PPP2R5C: variants seen among roughly 807,000 people sequenced by gnomAD.
PPP2R5C encodes serine/threonine-protein phosphatase 2A 56 kDa regulatory subunit gamma isoform.
Under a neutral mutation model 68.9 loss-of-function variants are expected in PPP2R5C, and 7 were observed. The ratio of observed to expected loss-of-function variants is 0.10; its 90% confidence interval spans 0.06 to 0.19. The LOEUF (loss-of-function observed/expected upper bound fraction) is 0.19, where lower values mean the gene tolerates loss of function less well. Among genes scored for constraint, PPP2R5C ranks in the 10% least tolerant of loss-of-function variants. The pLI is 1.00. For missense variants in PPP2R5C, 348 were observed against 641.3 expected (o/e 0.54, Z 4.94); for synonymous variants, 210 against 222.2 (o/e 0.95, Z 0.49).
intron 5 of PPP2R5C, chr14:101,889,882 A>G: frequency 2.3e-6 from 1 of 436,144 alleles, no homozygotes; most frequent in Admixed American, 2.9e-5. Flanking sequence ...AAGATGGATG[A>G]ACAGATGTGC....
intron 2 of PPP2R5C, among the ~76,000 whole-genome samples, chr14:101,764,003 T>TTGTGTGTGTG (rs3221573): frequency 2.2e-5 from 3 of 137,222 alleles, no homozygotes. Context: ...ATTGTTCACA[T>TTGTGTGTGTG]TGTGTGTGTG....
At chr14:101,856,587 T>A in intron 1 of PPP2R5C, 99 bp from the exon 4 acceptor site, 1 of 1,151,088 alleles carries the variant, frequency 8.7e-7, no homozygotes, top group Non-Finnish European at 1.3e-6. Flanking sequence ...TTCTTGAATC[T>A]CTATTCAAAA....
Position 101,797,302 on chromosome 14 carries a change from A to G in PPP2R5C, c.259+11119A>G, listed in dbSNP as rs1235697338. The G allele has an allele frequency of 4.4e-6, 2 of 455,926 alleles. No homozygotes were observed. Among genetic ancestry groups the G allele is most frequent in the African/African-American group, 4.0e-5 (2 of 50,062 alleles). The allele number at this position is 455,926 out of a possible 1,614,324, so 28.2% of individuals were successfully genotyped here. A position where few individuals can be genotyped will look rare whatever the true frequency, so the allele number is the denominator to read the frequency against. Reference sequence around the variant, plus strand: ...ATGTGTGGACGGACACATTCCGCGTATCCCCCAATCAGTGGATGGACGCGT... The same window carrying G: ...ATGTGTGGACGGACACATTCCGCGTGTCCCCCAATCAGTGGATGGACGCGT... On this transcript the variant is annotated intron_variant, in intron 3 of 14. Coordinates refer to the PPP2R5C transcript ENST00000328724. The surrounding 1 kb of genome is among the most constrained non-coding windows in gnomAD (Gnocchi z 4.2).
At chr14:101,812,581 G>C (rs1408134251) in intron 1 of PPP2R5C, among the ~76,000 whole-genome samples, 1 of 152,254 alleles carries the variant, frequency 6.6e-6, no homozygotes, top group Non-Finnish European at 1.5e-5. Flanking sequence ...AAATAGGAAT[G>C]TTGGCTGCTT....
At chr14:101,850,974 T>C (rs1016726669) in intron 1 of PPP2R5C, among the ~76,000 whole-genome samples, 4 of 152,216 alleles carry the variant, frequency 2.6e-5, no homozygotes, top group Non-Finnish European at 4.4e-5. Flanking sequence ...CGTTTTGTAC[T>C]AAGAATAAAT....
exon 14 of PPP2R5C, chr14:101,925,294 G>C (rs1277151962): frequency 6.2e-7 from 1 of 1,609,332 alleles, no homozygotes; most frequent in African/African-American, 1.3e-5. Context: ...CCGCGTCGGG[G>C]CCGGGCCCGC....
At chr14:101,885,111 C>T (rs2044409196) in intron 5 of PPP2R5C, among the ~76,000 whole-genome samples, 1 of 152,220 alleles carries the variant, frequency 6.6e-6, no homozygotes, top group Non-Finnish European at 1.5e-5. Flanking sequence ...AGAGCATGAG[C>T]AGGTCCCACA....
chr14:101,803,825 T>C (rs2038969610), intron 3 of PPP2R5C, among the ~76,000 whole-genome samples: 1 of 151,868 alleles, frequency 6.6e-6, no homozygotes. Context: ...AAAAATTCCT[T>C]GAGCAATACC....
chr14:101,774,439 CA>C (rs2037312281), intron 2 of PPP2R5C, among the ~76,000 whole-genome samples: 2 of 152,158 alleles, frequency 1.3e-5, no homozygotes, highest in South Asian at 4.1e-4. Flanking sequence ...ATGGAGAGAT[CA>C]GTATTCAGAC....
rs564254954 is a variant in PPP2R5C at position 101,917,495 on chromosome 14, C to T, written c.1327-336C>T. ...CCAGTGGTGAGACAGCTCCCACCAC[C>T]GAGCCCAGGGTGCGACCTCGCACTT... On this transcript the variant is annotated intron_variant, in intron 12 of 13. Coordinates refer to ENST00000334743, the Ensembl canonical transcript of PPP2R5C. This position sits in a 1 kb window ranked among gnomAD's most constrained non-coding sequence, Gnocchi z 4.4. Among the ~76,000 whole-genome samples, 4 of 152,266 alleles carry T rather than the reference C, an allele frequency of 2.6e-5. No homozygotes were observed. Among genetic ancestry groups the T allele is most frequent in the East Asian group, 1.9e-4 (1 of 5,186 alleles).
At chr14:101,831,384 A>G (rs561278687) in intron 1 of PPP2R5C, among the ~76,000 whole-genome samples, 31 of 152,376 alleles carry the variant, frequency 2.0e-4, no homozygotes, top group Middle Eastern at 6.8e-3. Context: ...AGGAAACAAA[A>G]TAACTAGAAG....
intron 13 of PPP2R5C, chr14:101,921,892 A>G (rs2047023742): frequency 1.3e-6 from 1 of 761,322 alleles, no homozygotes; most frequent in Non-Finnish European, 1.6e-6. Context: ...GTATAACCCT[A>G]TACAGAACAT....
intron 1 of PPP2R5C, chr14:101,810,068 C>A (rs752156293): frequency 7.6e-6 from 12 of 1,585,448 alleles, no homozygotes; most frequent in Non-Finnish European, 1.0e-5. Flanking sequence ...TGAATCGGAA[C>A]CTTCCGTGGG....
chr14:101,897,807 T>TA (rs10684045), intron 8 of PPP2R5C, among the ~76,000 whole-genome samples: 19,761 of 139,450 alleles, frequency 0.14, 2,117 homozygotes, highest in African/African-American at 0.31. Flanking sequence ...AAGTAATATG[T>TA]AAAAAAAAAA....
intron 1 of PPP2R5C, among the ~76,000 whole-genome samples, chr14:101,815,516 C>A (rs1372528377): frequency 1.3e-5 from 2 of 152,114 alleles, no homozygotes; most frequent in African/African-American, 4.8e-5. Context: ...TGTTGACTTA[C>A]CTCCTCCACA....
chr14:101,924,582 A>ACCTGCCC (rs2047197060), intron 13 of PPP2R5C, among the ~76,000 whole-genome samples: 1 of 151,642 alleles, frequency 6.6e-6, no homozygotes, highest in Non-Finnish European at 1.5e-5. Flanking sequence ...AGCTGGGATT[A>ACCTGCCC]CAGGCGCGCG....
intron 1 of PPP2R5C, among the ~76,000 whole-genome samples, chr14:101,838,082 C>G (rs930977170): frequency 1.3e-5 from 2 of 152,140 alleles, no homozygotes; most frequent in Non-Finnish European, 2.9e-5. Flanking sequence ...GATTTAAACA[C>G]TAAAGAGGTA....
At chr14:101,763,856 C>T (rs75187368) in intron 2 of PPP2R5C, among the ~76,000 whole-genome samples, 9,111 of 152,264 alleles carry the variant, frequency 0.06, 314 homozygotes, top group East Asian at 0.15. Context: ...CTTTTTCTTC[C>T]ATCACCTTGT....
chr14:101,856,560 C>T, intron 1 of PPP2R5C, 126 bp from the exon 4 acceptor site: 1 of 864,348 alleles, frequency 1.2e-6, no homozygotes, highest in Non-Finnish European at 1.8e-6. Context: ...CTTTGTTTAC[C>T]CCACCCATCT....
Sources: allele counts gnomAD v4.1 joint callset (sites outside exome capture counted in the v4.1 genomes callset), GRCh38; gene constraint gnomAD v4.1.1; non-coding constraint Gnocchi (gnomAD v3.1); transcripts MANE v1.5; gene names NCBI Gene and HGNC (gene_info 2026-07-23, HGNC 2026-07-21).